The following IQSEC1 variants were observed in gnomAD, a reference collection of about 807,000 sequenced individuals.
The protein encoded by IQSEC1 is IQ motif and Sec7 domain ArfGEF 1.
IQSEC1 carries 31 observed loss-of-function variants against 91.0 expected under a neutral mutation model. The observed-to-expected ratio is 0.34, with a 90% CI of 0.26 to 0.46. The LOEUF (loss-of-function observed/expected upper bound fraction) is 0.46, where lower values mean the gene tolerates loss of function less well. Ranked by LOEUF, IQSEC1 falls within the 20% of genes least tolerant of loss-of-function variation. The pLI, the probability that IQSEC1 is intolerant of heterozygous loss-of-function variation, is 1.00. For missense variants in IQSEC1, 1,388 were observed against 1,575.6 expected (o/e 0.88, Z 2.02); for synonymous variants, 699 against 662.6 (o/e 1.05, Z -0.84).
At chr3:12,961,605 C>A (rs896218818) in intron 1 of IQSEC1, among the ~76,000 whole-genome samples, 1 of 152,078 alleles carries the variant, frequency 6.6e-6, no homozygotes, top group African/African-American at 2.4e-5. Context: ...GCACCCCTCT[C>A]TTTTAACCCT....
intron 1 of IQSEC1, among the ~76,000 whole-genome samples, chr3:13,183,202 C>T (rs1379414466): frequency 1.3e-5 from 2 of 151,396 alleles, no homozygotes; most frequent in African/African-American, 4.9e-5. Flanking sequence ...AACAAACAAA[C>T]AAACAAACAT....
chr3:12,899,904 G>A lies in IQSEC1; in HGVS notation c.*1079C>T, dbSNP rs953407679. On this transcript the variant is annotated 3_prime_UTR_variant, in exon 14 of 14. Transcript: ENST00000613206. ...CATGTTGGAGATGAACACTTCTGCCGTGTATGGGTGCCCCTCTCGGAGGAC... is the reference window on the plus strand; with the variant it reads ...CATGTTGGAGATGAACACTTCTGCCATGTATGGGTGCCCCTCTCGGAGGAC... 23 of 985,126 alleles carry A rather than the reference G, an allele frequency of 2.3e-5. No individual in the cohort carries two copies. The highest frequency in any genetic ancestry group is 4.7e-5 in the South Asian group (1 of 21,256). The allele number at this position is 985,126 out of a possible 1,614,324, so 61.0% of individuals were successfully genotyped here.
intron 1 of IQSEC1, among the ~76,000 whole-genome samples, chr3:13,233,198 G>T (rs1217772804): frequency 6.6e-6 from 1 of 152,222 alleles, no homozygotes; most frequent in African/African-American, 2.4e-5. Context: ...GCAGATTCCA[G>T]GGCAGAGTCT....
Position 13,274,243 on chromosome 3 carries a change from G to A in IQSEC1, c.272+8468C>T, listed in dbSNP as rs1340873461. On this transcript the variant is annotated intron_variant, in intron 1 of 15. Transcript: ENST00000648114. ...GCTGTCCCCCAACACCACCAGACACGTGCTAAGGACTTCTCACCTGAGCGC... is the reference window on the plus strand; with the variant it reads ...GCTGTCCCCCAACACCACCAGACACATGCTAAGGACTTCTCACCTGAGCGC... Among the ~76,000 whole-genome samples, 14 of 152,288 alleles carry A rather than the reference G, an allele frequency of 9.2e-5. No individual in the cohort carries two copies. The South Asian group carries it at 1.0e-3, about 11-fold the overall frequency.
At chr3:13,192,281 T>C (rs1056822348) in intron 1 of IQSEC1, among the ~76,000 whole-genome samples, 1 of 146,022 alleles carries the variant, frequency 6.8e-6, no homozygotes, top group African/African-American at 2.6e-5. Context: ...GAGCTTGCAG[T>C]GAGTCGAGAT....
At chr3:13,275,086 C>T (rs1004275615) in intron 1 of IQSEC1, among the ~76,000 whole-genome samples, 5 of 152,202 alleles carry the variant, frequency 3.3e-5, no homozygotes, top group African/African-American at 1.2e-4. Context: ...CACTTAACTT[C>T]TTTGAGCCTC....
chr3:13,098,998 C>T (rs1307773257), intron 2 of IQSEC1, among the ~76,000 whole-genome samples: 3 of 152,182 alleles, frequency 2.0e-5, no homozygotes, highest in Non-Finnish European at 4.4e-5. Context: ...TGTCAGGTAG[C>T]GATCAGTTCC....
At chr3:12,999,105 C>T (rs1702327344) in intron 1 of IQSEC1, among the ~76,000 whole-genome samples, 1 of 152,136 alleles carries the variant, frequency 6.6e-6, no homozygotes. Context: ...AGCTGAGAAG[C>T]CTGATTTCTA....
chr3:12,942,312 TA>T (rs768754016), intron 1 of IQSEC1, among the ~76,000 whole-genome samples: 2 of 151,740 alleles, frequency 1.3e-5, no homozygotes, highest in Admixed American at 1.3e-4. Flanking sequence ...ATTTTAAACT[TA>T]AAAAAAAGGC....
chr3:12,966,337 T>A (rs369234494), intron 1 of IQSEC1, among the ~76,000 whole-genome samples: 18 of 152,306 alleles, frequency 1.2e-4, no homozygotes, highest in African/African-American at 4.3e-4. Flanking sequence ...CTGCTGGACA[T>A]GCGCTGCACA....
At chr3:13,255,015 C>T (rs1695262103) in intron 1 of IQSEC1, among the ~76,000 whole-genome samples, 1 of 152,216 alleles carries the variant, frequency 6.6e-6, no homozygotes, top group Non-Finnish European at 1.5e-5. Flanking sequence ...ACAATCAGAG[C>T]GGACGCACTG....
At chr3:13,198,097 T>C (rs1318806968) in intron 1 of IQSEC1, among the ~76,000 whole-genome samples, 1 of 152,104 alleles carries the variant, frequency 6.6e-6, no homozygotes, top group Non-Finnish European at 1.5e-5. Flanking sequence ...AGGAGAATTG[T>C]GTGAAGAGGT....
chr3:12,909,386 A>G lies in IQSEC1; in HGVS notation c.2465T>C (p.Ile822Thr). 1 of 1,614,136 alleles carries G rather than the reference A, an allele frequency of 6.2e-7. No homozygotes were observed. Among genetic ancestry groups the G allele is most frequent in the Non-Finnish European group, 8.5e-7 (1 of 1,180,032 alleles). The change falls in exon 11 of 14, where the codon ATC (isoleucine) becomes ACC (threonine). Residue 822 changes from isoleucine (I) to threonine (T), a missense_variant. Transcript: ENST00000613206. The surrounding 1 kb of genome is among the most constrained non-coding windows in gnomAD (Gnocchi z 4.9). ...RLTSSVPGADIKVLINFNAPN... is the reference protein window; with the variant it reads ...RLTSSVPGADTKVLINFNAPN... ...GGCGTTGAAGTTTATTAACACTTTG[A>G]TATCTGCTCCGGGGACAGACGAGGT...
chr3:13,047,328 T>C (rs1256495432), intron 1 of IQSEC1: 1 of 200,220 alleles, frequency 5.0e-6, no homozygotes, highest in Non-Finnish European at 8.9e-6. Flanking sequence ...GACATATCAG[T>C]AGTACCTCTG....
intron 1 of IQSEC1, among the ~76,000 whole-genome samples, chr3:13,246,393 C>G (rs1695108671): frequency 6.6e-6 from 1 of 152,136 alleles, no homozygotes; most frequent in Non-Finnish European, 1.5e-5. Flanking sequence ...GGAACAGAGG[C>G]TCAGTCTGGG....
intron 1 of IQSEC1, among the ~76,000 whole-genome samples, chr3:13,165,535 GGCGTGTGT>G (rs1288382626): frequency 0.042 from 3,767 of 88,936 alleles, 162 homozygotes; most frequent in African/African-American, 0.076. Context: ...GTGGGGGGGT[GGCGTGTGT>G]GTGTGTGTGT....
intron 1 of IQSEC1, among the ~76,000 whole-genome samples, chr3:12,993,915 G>A (rs369896815): frequency 2.6e-5 from 4 of 151,116 alleles, no homozygotes; most frequent in Middle Eastern, 3.3e-3. Context: ...CGCGCCCCAG[G>A]TTCCCGAGAG....
chr3:13,111,605 A>G (rs1403422952), intron 2 of IQSEC1, among the ~76,000 whole-genome samples: 1 of 152,170 alleles, frequency 6.6e-6, no homozygotes, highest in African/African-American at 2.4e-5. Flanking sequence ...CTGAAGCCCT[A>G]ACCCCCAATG....
chr3:13,193,462 G>A lies in IQSEC1; in HGVS notation c.273-29329C>T, dbSNP rs370354575. Among the ~76,000 whole-genome samples the A allele has an allele frequency of 4.9e-4, 75 of 152,312 alleles. 3 individuals are homozygous for A. The highest frequency in any genetic ancestry group is 1.9e-3 in the South Asian group (9 of 4,818). On this transcript the variant is annotated intron_variant, in intron 1 of 15. Transcript: ENST00000648114. The surrounding 1 kb of genome is among the most constrained non-coding windows in gnomAD (Gnocchi z 4.2). The stretch of plus-strand genomic sequence containing the variant: ...GTGGTGACCACAGGAAGGGGAGCAC[G>A]CTGGGGGATGAAGGATGTGGACGGT...
Sources: allele counts gnomAD v4.1 joint callset (sites outside exome capture counted in the v4.1 genomes callset), GRCh38; gene constraint gnomAD v4.1.1; non-coding constraint Gnocchi (gnomAD v3.1); transcripts MANE v1.5; gene names NCBI Gene and HGNC (gene_info 2026-07-23, HGNC 2026-07-21).